The following RABEP1 variants were observed in gnomAD, a reference collection of about 807,000 sequenced individuals.
The protein encoded by RABEP1 is rabaptin, RAB GTPase binding effector protein 1, also known as rab GTPase-binding effector protein 1.
RABEP1 carries 51 observed loss-of-function variants against 123.4 expected under a neutral mutation model. The ratio of observed to expected loss-of-function variants is 0.41; its 90% CI spans 0.33 to 0.52. RABEP1 has a LOEUF of 0.52. RABEP1 is among the 20% of genes least tolerant of loss of function. RABEP1 has a pLI of 0.16. For synonymous variants in RABEP1, 347 were observed against 355.2 expected (o/e 0.98, Z 0.26); for missense variants, 888 against 996.3 (o/e 0.89, Z 1.46).
intron 1 of RABEP1, among the ~76,000 whole-genome samples, chr17:5,300,521 A>G (rs987220462): frequency 1.3e-5 from 2 of 152,128 alleles, no homozygotes; most frequent in Admixed American, 6.5e-5. Flanking sequence ...CTTGGGGTGC[A>G]AGCGGGGGGA....
intron 17 of RABEP1, among the ~76,000 whole-genome samples, chr17:5,382,811 T>G (rs1031051959): frequency 1.5e-4 from 23 of 151,834 alleles, no homozygotes; most frequent in Non-Finnish European, 3.1e-4. Context: ...TCTCAGCTAC[T>G]CGGGAGGCTG....
intron 2 of RABEP1, among the ~76,000 whole-genome samples, chr17:5,325,561 G>T (rs969445898): frequency 1.3e-5 from 2 of 151,922 alleles, no homozygotes; most frequent in Non-Finnish European, 2.9e-5. Flanking sequence ...TTGATTAATG[G>T]GTATGAGTAT....
intron 15 of RABEP1, 112 bp downstream of exon 15, chr17:5,378,344 G>A: frequency 2.8e-6 from 3 of 1,052,756 alleles, no homozygotes; most frequent in Non-Finnish European, 4.4e-6. Flanking sequence ...CCTGCCTTAA[G>A]GAACTTTTGT....
intron 17 of RABEP1, among the ~76,000 whole-genome samples, chr17:5,382,813 G>T (rs1049010480): frequency 6.6e-6 from 1 of 151,948 alleles, no homozygotes; most frequent in Non-Finnish European, 1.5e-5. Context: ...TCAGCTACTC[G>T]GGAGGCTGAG....
chr17:5,356,754 G>C (rs1471392157), intron 8 of RABEP1, among the ~76,000 whole-genome samples: 1 of 151,338 alleles, frequency 6.6e-6, no homozygotes, highest in Non-Finnish European at 1.5e-5. Context: ...GGGCTCAAGC[G>C]GTCCTTCTGC....
chr17:5,295,136 C>G (rs894936648), intron 1 of RABEP1, among the ~76,000 whole-genome samples: 3 of 151,742 alleles, frequency 2.0e-5, no homozygotes, highest in Non-Finnish European at 4.4e-5. Flanking sequence ...AATCCCAGCA[C>G]TTTGGGAGAC....
intron 1 of RABEP1, among the ~76,000 whole-genome samples, chr17:5,302,566 C>G (rs1010457008): frequency 2.0e-5 from 3 of 149,536 alleles, no homozygotes; most frequent in African/African-American, 4.9e-5. Context: ...ATAAAGTTAC[C>G]TTATAAGCTT....
chr17:5,321,438 A>G (rs1243139105), intron 2 of RABEP1, among the ~76,000 whole-genome samples: 1 of 151,358 alleles, frequency 6.6e-6, no homozygotes, highest in Admixed American at 6.6e-5. Flanking sequence ...GCAAGACCCT[A>G]TCTCAAACGA....
intron 1 of RABEP1, among the ~76,000 whole-genome samples, chr17:5,292,969 G>T (rs551177974): frequency 5.9e-5 from 9 of 152,156 alleles, no homozygotes; most frequent in Non-Finnish European, 1.3e-4. Context: ...GGCATGAGCT[G>T]CTGTGCCTTG....
At chr17:5,344,771 CAAAAAAAA>C (rs1177790100) in intron 5 of RABEP1, among the ~76,000 whole-genome samples, 2 of 46,938 alleles carry the variant, frequency 4.3e-5, no homozygotes, top group Admixed American at 3.2e-4. Flanking sequence ...GACACTGTCT[CAAAAAAAA>C]AAAAAAAAAA....
chr17:5,282,992 A>G (rs79712074), intron 1 of RABEP1, among the ~76,000 whole-genome samples: 7,716 of 152,180 alleles, frequency 0.051, 341 homozygotes, highest in African/African-American at 0.12. Flanking sequence ...AGTTGTGTAC[A>G]GTAACTGGAT....
intron 8 of RABEP1, among the ~76,000 whole-genome samples, chr17:5,357,089 G>A (rs1224612692): frequency 6.6e-6 from 1 of 151,988 alleles, no homozygotes; most frequent in East Asian, 1.9e-4. Context: ...TGTTGGCCAG[G>A]CTGGTCTTGA....
At position 5,386,025 on chromosome 17, in the gene RABEP1, A is replaced by T; in HGVS notation, c.*2802A>T. The T allele has an allele frequency of 1.8e-6, 1 of 552,598 alleles. No individual in the cohort carries two copies. The highest frequency in any genetic ancestry group is 3.2e-6 in the Non-Finnish European group (1 of 315,986). 34.2% of individuals were successfully genotyped at this position (552,598 alleles called of 1,614,324 possible). On this transcript the variant is annotated 3_prime_UTR_variant, in exon 18 of 18. Transcript: ENST00000537505. The stretch of plus-strand genomic sequence containing the variant: ...ACTGTAGGCTTGAGTTATAAAGCAC[A>T]TTCCAAATTTTAAATAAAAGCATTT...
intron 1 of RABEP1, among the ~76,000 whole-genome samples, chr17:5,307,046 C>T (rs1387278693): frequency 4.6e-5 from 7 of 152,066 alleles, no homozygotes; most frequent in Admixed American, 3.9e-4. Context: ...AGGCCAGGTG[C>T]GGTGGCTTAT....
chr17:5,348,565 C>CT (rs976098439), intron 6 of RABEP1, among the ~76,000 whole-genome samples: 19 of 150,944 alleles, frequency 1.3e-4, no homozygotes, highest in Non-Finnish European at 2.1e-4. Flanking sequence ...TTTATTTTCT[C>CT]TTTTTTTTTG....
At chr17:5,307,737 G>C (rs1168714864) in intron 1 of RABEP1, among the ~76,000 whole-genome samples, 1 of 152,130 alleles carries the variant, frequency 6.6e-6, no homozygotes, top group Non-Finnish European at 1.5e-5. Flanking sequence ...AACCAGCTGT[G>C]TCCAAATTAT....
intron 17 of RABEP1, among the ~76,000 whole-genome samples, chr17:5,382,269 A>G (rs1911536832): frequency 6.6e-6 from 1 of 151,120 alleles, no homozygotes; most frequent in African/African-American, 2.4e-5. Context: ...TTTAGTAGAG[A>G]CAGGGTTTCA....
intron 1 of RABEP1, among the ~76,000 whole-genome samples, chr17:5,296,692 A>AT (rs1188809467): frequency 6.6e-6 from 1 of 152,170 alleles, no homozygotes; most frequent in Non-Finnish European, 1.5e-5. Flanking sequence ...CTCTTTCAAG[A>AT]TTCATCTTAA....
intron 2 of RABEP1, among the ~76,000 whole-genome samples, chr17:5,317,456 A>G (rs898471586): frequency 6.6e-6 from 1 of 152,184 alleles, no homozygotes; most frequent in African/African-American, 2.4e-5. Context: ...ACTTACAGCT[A>G]ACATCACACT....
Sources: allele counts gnomAD v4.1 joint callset (sites outside exome capture counted in the v4.1 genomes callset), GRCh38; gene constraint gnomAD v4.1.1; transcripts MANE v1.5; gene names NCBI Gene and HGNC (gene_info 2026-07-23, HGNC 2026-07-21).